The following KLRG1 variants were observed in gnomAD, a reference collection of about 807,000 sequenced individuals.
The protein encoded by KLRG1 is killer cell lectin like receptor G1, also known as killer cell lectin-like receptor subfamily G member 1.
Under a neutral mutation model 21.8 loss-of-function variants are expected in KLRG1, and 16 were observed. The ratio of observed to expected loss-of-function variants is 0.73; its 90% confidence interval spans 0.50 to 1.11. The LOEUF (loss-of-function observed/expected upper bound fraction) is 1.11, where lower values mean the gene tolerates loss of function less well. Ranked by LOEUF, KLRG1 falls within the 50% of genes most tolerant of loss-of-function variation. The probability of loss-of-function intolerance (pLI) is 0.00; values close to 1 mark genes in which losing one functional copy is unlikely to be tolerated. For missense variants in KLRG1, 173 were observed against 218.3 expected, an observed-to-expected ratio of 0.79 and a Z score of 1.31; for synonymous variants, 69 against 75.9, an observed-to-expected ratio of 0.91 and a Z score of 0.47.
the KLRG1 span, among the ~76,000 whole-genome samples, chr12:9,162,072 G>A: frequency 3.9e-5 from 6 of 151,934 alleles, no homozygotes; most frequent in Non-Finnish European, 5.9e-5. Flanking sequence ...AGCGATTCTC[G>A]TGCCCCAGCC....
At chr12:9,090,146 C>T in the KLRG1 span, 104 of 1,426,126 alleles carry the variant, frequency 7.3e-5, no homozygotes, top group South Asian at 6.3e-4. Flanking sequence ...GAAGCAGGAA[C>T]GGAAACATGC....
chr12:8,965,039 A>G (rs1191915207), intron 1 of KLRG1, among the ~76,000 whole-genome samples: 1 of 152,206 alleles, frequency 6.6e-6, no homozygotes, highest in Non-Finnish European at 1.5e-5. Context: ...AACATACGCA[A>G]ATCAATAAAT....
the KLRG1 span, among the ~76,000 whole-genome samples, chr12:9,060,340 A>G: frequency 6.6e-6 from 1 of 152,172 alleles, no homozygotes; most frequent in Non-Finnish European, 1.5e-5. Context: ...GGCATCTTTA[A>G]GTAGCTTTGC....
chr12:9,165,545 C>T, the KLRG1 span, among the ~76,000 whole-genome samples: 1 of 152,144 alleles, frequency 6.6e-6, no homozygotes, highest in Admixed American at 6.5e-5. Flanking sequence ...AAATGAAAGC[C>T]ACTGAATGGT....
At chr12:9,126,178 A>G in the KLRG1 span, among the ~76,000 whole-genome samples, 1 of 152,210 alleles carries the variant, frequency 6.6e-6, no homozygotes. Context: ...AATATTAGAG[A>G]TTATTATTAA....
the KLRG1 span, among the ~76,000 whole-genome samples, chr12:9,195,393 T>C: frequency 6.6e-6 from 1 of 151,830 alleles, no homozygotes; most frequent in Non-Finnish European, 1.5e-5. Flanking sequence ...CCCCTTCCCC[T>C]GGCCCTTCCC....
chr12:9,196,472 G>A, the KLRG1 span: 1,741 of 1,576,026 alleles, frequency 1.1e-3, 22 homozygotes, highest in African/African-American at 0.021. Flanking sequence ...ACTTTTAGAA[G>A]TTACTTTAGT....
chr12:9,158,355 C>T, the KLRG1 span: 2 of 1,578,854 alleles, frequency 1.3e-6, no homozygotes, highest in East Asian at 2.2e-5. Context: ...CCTCCTTCCT[C>T]CCTTCACCCC....
At chr12:9,074,607 A>G in the KLRG1 span, 1 of 1,613,608 alleles carries the variant, frequency 6.2e-7, no homozygotes, top group Non-Finnish European at 8.5e-7. Flanking sequence ...TTCGTGATCC[A>G]CTTCACGATG....
At chr12:9,079,793 C>T in the KLRG1 span, 6 of 1,609,932 alleles carry the variant, frequency 3.7e-6, no homozygotes, top group South Asian at 2.2e-5. Context: ...GTGTGTTTTG[C>T]ATGGCAGAGC....
the KLRG1 span, chr12:9,197,011 C>T: frequency 6.3e-7 from 1 of 1,594,494 alleles, no homozygotes; most frequent in African/African-American, 1.3e-5. Flanking sequence ...CGCCTACTAA[C>T]CTGTTGACTG....
chr12:9,169,682 T>C, the KLRG1 span: 1 of 1,256,892 alleles, frequency 8.0e-7, no homozygotes, highest in Non-Finnish European at 1.1e-6. Context: ...TTATCACCAA[T>C]CTTTTCTTGA....
chr12:9,105,888 A>G, the KLRG1 span, among the ~76,000 whole-genome samples: 2 of 152,168 alleles, frequency 1.3e-5, no homozygotes, highest in Non-Finnish European at 2.9e-5. Flanking sequence ...GAATTTTGAG[A>G]TTCTTGTGAG....
the KLRG1 span, chr12:9,095,135 A>G: frequency 2.2e-6 from 2 of 929,918 alleles, no homozygotes; most frequent in South Asian, 4.1e-5. Context: ...TAAAATATAC[A>G]TAGGTAGCTA....
At position 9,010,390 on chromosome 12, in the gene KLRG1, G is replaced by A; in HGVS notation, c.*853G>A. On this transcript the variant is annotated 3_prime_UTR_variant, in exon 5 of 5. Transcript: ENST00000356986. Reference sequence around the variant, plus strand: ...TTTCCATTATGTGACTGTTTGACCTGCATATTAATTTCAAGATAGCAGTCA... The same window carrying A: ...TTTCCATTATGTGACTGTTTGACCTACATATTAATTTCAAGATAGCAGTCA... The A allele has an allele frequency of 5.9e-6, 1 of 170,868 alleles. No individual in the cohort carries two copies. Among genetic ancestry groups the A allele is most frequent in the Non-Finnish European group, 1.2e-5 (1 of 80,600 alleles). The allele number at this position is 170,868 out of a possible 1,614,324, so 10.6% of individuals were successfully genotyped here.
At chr12:9,188,156 C>T in the KLRG1 span, among the ~76,000 whole-genome samples, 1 of 152,204 alleles carries the variant, frequency 6.6e-6, no homozygotes, top group African/African-American at 2.4e-5. Flanking sequence ...TCCAGCAGCA[C>T]ATCAAAAAGC....
intron 1 of KLRG1, among the ~76,000 whole-genome samples, chr12:8,951,299 C>T (rs1405529132): frequency 1.4e-5 from 1 of 73,624 alleles, no homozygotes; most frequent in Admixed American, 1.7e-4. Context: ...ATAGTGAGAC[C>T]CCTTCTTTCA....
chr12:9,043,962 C>T, the KLRG1 span, among the ~76,000 whole-genome samples: 2 of 152,182 alleles, frequency 1.3e-5, no homozygotes, highest in African/African-American at 2.4e-5. Context: ...GGAGTCTCCA[C>T]GTGACTCCAA....
At chr12:9,121,497 C>T in the KLRG1 span, among the ~76,000 whole-genome samples, 4 of 152,094 alleles carry the variant, frequency 2.6e-5, no homozygotes, top group South Asian at 2.1e-4. The surrounding 1 kb of genome is among the most constrained non-coding windows in gnomAD (Gnocchi z 4.4). Context: ...GCCGAGATCA[C>T]GCCACTGCAC....
Sources: gnomAD v4.1 joint callset for allele counts (sites outside exome capture counted in the v4.1 genomes callset) on GRCh38, gnomAD v4.1.1 for gene constraint, Gnocchi (gnomAD v3.1) non-coding constraint, MANE v1.5 for transcripts, NCBI Gene and HGNC (gene_info 2026-07-23, HGNC 2026-07-21) for gene names.